Variants in DEFB4A observed in about 807,000 individuals in gnomAD.
The protein encoded by DEFB4A is beta defensin-2.
rs1266063673 is a variant in DEFB4A, at chr8:7,895,115, C to T, written c.58+345C>T. Among the ~76,000 whole-genome samples the T allele has an allele frequency of 4.9e-5, 5 of 101,434 alleles. 1 individual carries two copies. Among genetic ancestry groups the T allele is most frequent in the Admixed American group, 1.9e-4 (2 of 10,314 alleles). 66.5% of individuals were successfully genotyped at this position (101,434 alleles called of 152,430 possible). A position where few individuals can be genotyped will look rare whatever the true frequency, so the allele number is the denominator to read the frequency against. Reference sequence around the variant, plus strand: ...GTTTGAGAACCCAATGGACAACTCACTCGTTCTTCTAAGCCAATATGAAGG... The same window carrying T: ...GTTTGAGAACCCAATGGACAACTCATTCGTTCTTCTAAGCCAATATGAAGG... On this transcript the variant is annotated intron_variant, in intron 1 of 1. Coordinates refer to ENST00000302247, the MANE Select transcript of DEFB4A (RefSeq NM_004942.4).
At chr8:7,895,865 G>T (rs1212330042) in intron 1 of DEFB4A, among the ~76,000 whole-genome samples, 1 of 52,964 alleles carries the variant, frequency 1.9e-5, no homozygotes, top group African/African-American at 7.8e-5. Flanking sequence ...GAGGGAAGGA[G>T]GGAGGGAGGG....
chr8:7,895,110 A>C (rs149750095), intron 1 of DEFB4A, among the ~76,000 whole-genome samples: 5,817 of 99,566 alleles, frequency 0.058, 1,231 homozygotes, highest in African/African-American at 0.12. Flanking sequence ...CCAATGGACA[A>C]CTCACTCGTT....
intron 1 of DEFB4A, among the ~76,000 whole-genome samples, chr8:7,895,699 A>G (rs1434203650): frequency 2.6e-5 from 2 of 75,904 alleles, no homozygotes; most frequent in Non-Finnish European, 5.4e-5. Context: ...TGTGAGAACA[A>G]TGGGGTTCTG....
chr8:7,894,870 CCT>C, intron 1 of DEFB4A, 100 bp downstream of exon 1: 4 of 1,346,602 alleles, frequency 3.0e-6, no homozygotes, highest in Non-Finnish European at 4.2e-6. Flanking sequence ...CTCCCTCATC[CCT>C]CTCTCTCCTT....
chr8:7,896,024 C>T (rs1819001888), intron 1 of DEFB4A, among the ~76,000 whole-genome samples: 1 of 103,170 alleles, frequency 9.7e-6, no homozygotes, highest in African/African-American at 3.5e-5. Flanking sequence ...TAAGTTGCAT[C>T]TTTTTTATCC....
At position 7,895,869 on chromosome 8, in the gene DEFB4A, G is replaced by A. The variant is rs1303286650; in HGVS notation, c.59-605G>A. On this transcript the variant is annotated intron_variant, in intron 1 of 1. Transcript: ENST00000302247. ...AGGGAGGGAAGGAGGGAAGGAGGGA[G>A]GGAGGGAGGGAAACAAAAAGAAGAA... Among the ~76,000 whole-genome samples the A allele has an allele frequency of 3.4e-5, 2 of 59,552 alleles. 1 individual carries two copies. Among genetic ancestry groups the A allele is most frequent in the Non-Finnish European group, 7.4e-5 (2 of 27,062 alleles). The allele number at this position is 59,552 out of a possible 152,430, so 39.1% of individuals were successfully genotyped here.
chr8:7,896,004 A>G (rs1316618561), intron 1 of DEFB4A, among the ~76,000 whole-genome samples: 1 of 104,654 alleles, frequency 9.6e-6, no homozygotes, highest in African/African-American at 3.4e-5. Flanking sequence ...TTCCTATTAA[A>G]CAATTTCAGT....
chr8:7,895,061 C>A lies in DEFB4A; in HGVS notation c.58+291C>A, dbSNP rs1302609540. Among the ~76,000 whole-genome samples the A allele has an allele frequency of 5.9e-5, 6 of 101,824 alleles. 2 individuals are homozygous for A. Among genetic ancestry groups the A allele is most frequent in the Admixed American group, 1.9e-4 (2 of 10,452 alleles). 66.8% of individuals were successfully genotyped at this position (101,824 alleles called of 152,430 possible). A position where few individuals can be genotyped will look rare whatever the true frequency, so the allele number is the denominator to read the frequency against. On this transcript the variant is annotated intron_variant, in intron 1 of 1. Transcript: ENST00000302247. ...GACTGAATGCCCTATTTAATTGAAC[C>A]AAGCATTGCTTCCTTCAATAGAAAA...
Sources: gnomAD v4.1 joint callset for allele counts (sites outside exome capture counted in the v4.1 genomes callset) on GRCh38, gnomAD v4.1.1 for gene constraint, MANE v1.5 for transcripts, NCBI Gene and HGNC (gene_info 2026-07-23, HGNC 2026-07-21) for gene names.